The following TBC1D10A variants were observed in gnomAD, a reference collection of about 807,000 sequenced individuals.
TBC1D10A encodes TBC1 domain family member 10A.
A neutral mutation model predicts 52.9 loss-of-function variants in TBC1D10A; 24 were observed. That is an observed-to-expected ratio of 0.45 (90% CI 0.33 to 0.64). The LOEUF (loss-of-function observed/expected upper bound fraction) is 0.64. Ranked by LOEUF, TBC1D10A falls within the 30% of genes least tolerant of loss-of-function variation. TBC1D10A has a pLI of 0.02. For missense variants in TBC1D10A, 602 were observed against 687.9 expected (o/e 0.88, Z 1.40); for synonymous variants, 278 against 282.9 (o/e 0.98, Z 0.17).
chr22:30,303,740 T>A (rs1282058221), intron 2 of TBC1D10A, among the ~76,000 whole-genome samples: 1 of 152,220 alleles, frequency 6.6e-6, no homozygotes, highest in African/African-American at 2.4e-5. Context: ...AGACCCTAGC[T>A]GTAAGGCTCG....
At chr22:30,313,898 G>A (rs532955253) in intron 1 of TBC1D10A, among the ~76,000 whole-genome samples, 1 of 152,164 alleles carries the variant, frequency 6.6e-6, no homozygotes, top group African/African-American at 2.4e-5. Flanking sequence ...GCCCAGCACA[G>A]GGCTGAGCAC....
chr22:30,299,420 C>G, intron 3 of TBC1D10A, 24 bp downstream of exon 3: 2 of 1,608,802 alleles, frequency 1.2e-6, no homozygotes, highest in Non-Finnish European at 1.7e-6. Context: ...GAAGGGAGGG[C>G]AGGGCAAAGG....
At chr22:30,321,565 G>A (rs1930653009) in intron 1 of TBC1D10A, among the ~76,000 whole-genome samples, 1 of 152,200 alleles carries the variant, frequency 6.6e-6, no homozygotes, top group Admixed American at 6.5e-5. Context: ...AACTAAAGAA[G>A]GCAATACTGC....
Position 30,297,395 on chromosome 22 carries a change from A to C in TBC1D10A, c.418-1552T>G, listed in dbSNP as rs1288479795. 1 of 152,334 alleles carries C rather than the reference A, an allele frequency of 6.6e-6. No individual in the cohort carries two copies. Among genetic ancestry groups the C allele is most frequent in the Non-Finnish European group, 1.5e-5 (1 of 68,126 alleles). The allele number at this position is 152,334 out of a possible 1,614,324, so 9.4% of individuals were successfully genotyped here. ...CCCACAAATTCTCCTAGCAGTTCCCATGAGGTAGGAACCCGAAAACCCCGG... is the reference window on the plus strand; with the variant it reads ...CCCACAAATTCTCCTAGCAGTTCCCCTGAGGTAGGAACCCGAAAACCCCGG... On this transcript the variant is annotated intron_variant, in intron 3 of 8. Transcript: ENST00000215790. The surrounding 1 kb of genome is among the most constrained non-coding windows in gnomAD (Gnocchi z 4.3).
chr22:30,295,016 C>A lies in TBC1D10A; in HGVS notation c.564G>T (p.Leu188=), dbSNP rs756759803. 2 of 1,614,068 alleles carry A rather than the reference C, an allele frequency of 1.2e-6. No homozygotes were observed. The highest frequency in any genetic ancestry group is 1.7e-6 in the Non-Finnish European group (2 of 1,180,026). ...DLFRVLKAYT[L]YRPEEGYCQA... ...GGCAGTAGCCCTCCTCGGGCCGGTA[C>A]AGCGTGTAGGCCTTCAGCACACGGA... is the stretch of plus-strand genomic sequence containing the variant. The change falls in exon 5 of 9, where the codon CTG becomes CTT. Residue 188 remains leucine (L), a synonymous_variant. Transcript: ENST00000215790.
chr22:30,325,801 C>G (rs1930756900), intron 1 of TBC1D10A, among the ~76,000 whole-genome samples: 1 of 152,104 alleles, frequency 6.6e-6, no homozygotes, highest in Non-Finnish European at 1.5e-5. Context: ...TGTCTCCCTG[C>G]CTGCCCCCGT....
intron 3 of TBC1D10A, chr22:30,298,937 C>G (rs895744441): frequency 5.8e-5 from 9 of 154,262 alleles, no homozygotes; most frequent in Non-Finnish European, 2.9e-5. Flanking sequence ...GGCTGATGAC[C>G]CCACAAGACA....
In TBC1D10A at chr22:30,326,848, C is replaced by A. The variant is rs1173115430; in HGVS notation, c.34G>T (p.Ala12Ser). The change falls in exon 1 of 9, where the codon GCG (alanine) becomes TCG (serine). Residue 12 changes from alanine to serine, a missense_variant. By Grantham distance (99) the Ala-to-Ser change is moderately conservative (BLOSUM62 1). Coordinates refer to ENST00000215790, the MANE Select transcript of TBC1D10A (RefSeq NM_031937.3). ...GACAGGCTTTCCCCGGCCGCGGGCG[C>A]GCGCGGCCCATTCTCTCCGTTGCTC... Reference protein sequence around the residue: ...AKSNGENGPRAPAAGESLSGT... With the variant: ...AKSNGENGPRSPAAGESLSGT... The A allele has an allele frequency of 3.4e-6, 5 of 1,477,194 alleles. No individual in the cohort carries two copies. Among genetic ancestry groups the A allele is most frequent in the Non-Finnish European group, 3.6e-6 (4 of 1,122,692 alleles). The allele number at this position is 1,477,194 out of a possible 1,614,324, so 91.5% of individuals were successfully genotyped here.
At chr22:30,302,833 A>C (rs1930229624) in intron 2 of TBC1D10A, among the ~76,000 whole-genome samples, 1 of 152,182 alleles carries the variant, frequency 6.6e-6, no homozygotes. Flanking sequence ...TTTCAAGAAC[A>C]CGGAAGGTCC....
chr22:30,295,183 G>C, intron 4 of TBC1D10A, 128 bp from the exon 5 acceptor site: 3 of 885,370 alleles, frequency 3.4e-6, no homozygotes, highest in Non-Finnish European at 5.3e-6. Flanking sequence ...TGATCTGCTT[G>C]TGGTCACCAA....
At chr22:30,324,856 T>G (rs1358687332) in intron 1 of TBC1D10A, among the ~76,000 whole-genome samples, 4 of 152,178 alleles carry the variant, frequency 2.6e-5, no homozygotes, top group Non-Finnish European at 5.9e-5. Flanking sequence ...GTGTAATTCC[T>G]AAGTTTGGCC....
chr22:30,316,461 G>GTTTTTTT (rs71328836), intron 1 of TBC1D10A, among the ~76,000 whole-genome samples: 1 of 143,076 alleles, frequency 7.0e-6, no homozygotes. Context: ...TTTTGTTTTT[G>GTTTTTTT]TTTTTTTTTT....
intron 1 of TBC1D10A, among the ~76,000 whole-genome samples, chr22:30,310,014 C>T (rs546891400): frequency 6.6e-6 from 1 of 152,232 alleles, no homozygotes; most frequent in African/African-American, 2.4e-5. Flanking sequence ...GAGAAATACA[C>T]CCTAAGCAGA....
chr22:30,303,799 A>C (rs1930255309), intron 2 of TBC1D10A, among the ~76,000 whole-genome samples: 1 of 152,256 alleles, frequency 6.6e-6, no homozygotes. Context: ...GAGGGCAGCC[A>C]AGGATATCAA....
intron 4 of TBC1D10A, 112 bp downstream of exon 4, chr22:30,295,625 G>T (rs1569159179): frequency 3.0e-6 from 3 of 991,094 alleles, no homozygotes; most frequent in Non-Finnish European, 4.7e-6. Context: ...AATGCTAAGA[G>T]TGGAGTTGGG....
At position 30,292,338 on chromosome 22, in the gene TBC1D10A, T is replaced by C. The variant is rs1929960431; in HGVS notation, c.*37A>G. On this transcript the variant is annotated 3_prime_UTR_variant, in exon 9 of 9. Transcript: ENST00000215790. ...TGTCAGTTCATGAACCGTGTAGTTA[T>C]ATGGAGACCCCGCCCTGGAGGCCTT... is the stretch of plus-strand genomic sequence containing the variant. The C allele has an allele frequency of 6.7e-7, 1 of 1,502,682 alleles. No individual in the cohort carries two copies. Among genetic ancestry groups the C allele is most frequent in the Non-Finnish European group, 8.9e-7 (1 of 1,119,956 alleles). The allele number at this position is 1,502,682 out of a possible 1,614,324, so 93.1% of individuals were successfully genotyped here. A position where few individuals can be genotyped will look rare whatever the true frequency, so the allele number is the denominator to read the frequency against.
intron 2 of TBC1D10A, among the ~76,000 whole-genome samples, chr22:30,304,267 C>T (rs1930265529): frequency 6.6e-6 from 1 of 152,186 alleles, no homozygotes; most frequent in South Asian, 2.1e-4. Context: ...TAGAAGAAAG[C>T]TGTGTTATGG....
rs758161918 is a variant in TBC1D10A at position 30,293,710 on chromosome 22, T to C, written c.991A>G (p.Ile331Val). The change falls in exon 8 of 9, where the codon ATC (isoleucine) becomes GTC (valine). Residue 331 changes from isoleucine to valine, a missense_variant. Coordinates refer to ENST00000215790, the MANE Select transcript of TBC1D10A (RefSeq NM_031937.3). ...VKACQGQYET[I>V]ERLRSLSPKI... ...GGGCTGAGGCTCCGCAGTCGCTCGA[T>C]GGTCTCGTACTGGCCCTGGCAGGCT... The C allele has an allele frequency of 4.3e-6, 7 of 1,612,968 alleles. No individual in the cohort carries two copies. The highest frequency in any genetic ancestry group is 5.1e-6 in the Non-Finnish European group (6 of 1,179,338).
intron 1 of TBC1D10A, among the ~76,000 whole-genome samples, chr22:30,310,731 G>A: frequency 6.6e-6 from 1 of 152,164 alleles, no homozygotes; most frequent in Non-Finnish European, 1.5e-5. Flanking sequence ...TAATAGACAA[G>A]AACACTAAGA....
Sources: gnomAD v4.1 joint callset for allele counts (sites outside exome capture counted in the v4.1 genomes callset) on GRCh38, gnomAD v4.1.1 for gene constraint, Gnocchi (gnomAD v3.1) non-coding constraint, MANE v1.5 for transcripts, NCBI Gene and HGNC (gene_info 2026-07-23, HGNC 2026-07-21) for gene names.